PCDHGA5: variants seen among roughly 807,000 people sequenced by gnomAD.
PCDHGA5 encodes the protein protocadherin gamma subfamily A, 5.
In PCDHGA5, 36 loss-of-function variants were observed where a neutral mutation model predicts 56.7. That is an observed-to-expected ratio of 0.64 (90% CI 0.49 to 0.84). PCDHGA5 has a LOEUF of 0.84. Ranked by LOEUF, PCDHGA5 falls within the 40% of genes least tolerant of loss-of-function variation. The pLI is 0.00. For missense variants in PCDHGA5, 1,305 were observed against 1,201.5 expected (o/e 1.09, Z -1.27); for synonymous variants, 563 against 520.2 (o/e 1.08, Z -1.12).
chr5:141,425,661 C>A (rs993314865), intron 1 of PCDHGA5, among the ~76,000 whole-genome samples: 5 of 152,184 alleles, frequency 3.3e-5, no homozygotes, highest in Admixed American at 3.3e-4. Context: ...ATTATCTGCA[C>A]ATCAGATTGA....
Position 141,476,267 on chromosome 5 carries a change from G to A in PCDHGA5, c.2422-18540G>A, listed in dbSNP as rs373758158. The A allele has an allele frequency of 6.8e-6, 11 of 1,613,938 alleles. No homozygotes were observed. Among genetic ancestry groups the A allele is most frequent in the African/African-American group, 1.3e-5 (1 of 74,884 alleles). On this transcript the variant is annotated intron_variant, in intron 1 of 3. Transcript: ENST00000518069. The surrounding 1 kb of genome is among the most constrained non-coding windows in gnomAD (Gnocchi z 7.6). ...GAAGGGTTTCGCTGTGGGCAACGTG[G>A]TCGCGAACCTTGGTTTGGATCTCGG...
chr5:141,388,662 A>G, intron 1 of PCDHGA5: 1 of 1,613,954 alleles, frequency 6.2e-7, no homozygotes, highest in African/African-American at 1.3e-5. Flanking sequence ...CCCGGGGACC[A>G]CGGTGCTACA....
Position 141,486,494 on chromosome 5 carries a change from A to G in PCDHGA5, c.2422-8313A>G, listed in dbSNP as rs375607204. 9.3e-6 allele frequency: 15 copies of G among 1,614,058 alleles called. No individual in the cohort carries two copies. The highest frequency in any genetic ancestry group is 1.3e-5 in the Non-Finnish European group (15 of 1,179,958). ...CCCTCCTCTCAGTACCCACAGAACT[A>G]TTTTCCTCAATATTTCAGATGTGAA... On this transcript the variant is annotated intron_variant, in intron 1 of 3. Transcript: ENST00000518069. The surrounding 1 kb of genome is among the most constrained non-coding windows in gnomAD (Gnocchi z 5.0).
Position 141,477,337 on chromosome 5 carries a change from C to T in PCDHGA5, c.2422-17470C>T. ...TTACTTCTTCCCTCAAGAATTACTT[C>T]ACTTTGAAAACCAGTGCAGACCTGG... On this transcript the variant is annotated intron_variant, in intron 1 of 3. Transcript: ENST00000518069. The surrounding 1 kb of genome is among the most constrained non-coding windows in gnomAD (Gnocchi z 4.9). The T allele has an allele frequency of 1.2e-6, 2 of 1,614,166 alleles. No individual in the cohort carries two copies. Among genetic ancestry groups the T allele is most frequent in the Non-Finnish European group, 1.7e-6 (2 of 1,180,028 alleles).
chr5:141,499,689 C>CTTTT (rs545067566), intron 2 of PCDHGA5, among the ~76,000 whole-genome samples: 17 of 119,848 alleles, frequency 1.4e-4, no homozygotes, highest in East Asian at 2.4e-4. Context: ...TAACAGATGA[C>CTTTT]TTTTTTTTTT....
At chr5:141,501,997 C>A (rs2099812238) in intron 2 of PCDHGA5, among the ~76,000 whole-genome samples, 1 of 152,128 alleles carries the variant, frequency 6.6e-6, no homozygotes, top group Non-Finnish European at 1.5e-5. Context: ...GTCTCCCTGA[C>A]AACCCGCATG....
intron 1 of PCDHGA5, chr5:141,403,862 G>A (rs1370445288): frequency 1.2e-6 from 2 of 1,613,508 alleles, no homozygotes; most frequent in East Asian, 2.2e-5. Flanking sequence ...AATATCAACA[G>A]CAAAAAGTCT....
intron 1 of PCDHGA5, chr5:141,428,404 T>A (rs375988962): frequency 2.3e-5 from 11 of 476,688 alleles, no homozygotes; most frequent in East Asian, 2.1e-4. Flanking sequence ...TGCCTGGGGT[T>A]GCTTTCACCC....
intron 1 of PCDHGA5, among the ~76,000 whole-genome samples, chr5:141,468,914 G>A (rs563780068): frequency 2.6e-5 from 4 of 151,700 alleles, no homozygotes; most frequent in Admixed American, 2.6e-4. Context: ...CAGACTAGAA[G>A]AGAATAGCAC....
At chr5:141,422,886 G>A in intron 1 of PCDHGA5, 1 of 1,614,260 alleles carries the variant, frequency 6.2e-7, no homozygotes, top group Non-Finnish European at 8.5e-7. Flanking sequence ...GCCTGTTCGT[G>A]CTGGACCAGA....
Position 141,366,331 on chromosome 5 carries a change from G to C in PCDHGA5, c.2001G>C (p.Arg667Ser), listed in dbSNP as rs1425078679. 11 of 1,613,846 alleles carry C rather than the reference G, an allele frequency of 6.8e-6. No homozygotes were observed. In the East Asian group the frequency reaches 1.6e-4, roughly 23 times the overall value. Residue 667 changes from arginine to serine, a missense_variant, in exon 1 of 4, where the codon AGG (arginine) becomes AGC (serine). Physicochemically the swap from Arg to Ser is moderately radical, Grantham distance 110. Coordinates refer to ENST00000518069, the MANE Select transcript of PCDHGA5 (RefSeq NM_018918.3). The stretch of plus-strand genomic sequence containing the variant: ...CGGTCACCGTTGCCGTGGCCGACAG[G>C]ATCCCTGACATCCTGGCTGACCTAG... ...TFTVTVAVAD[R>S]IPDILADLGS... is the part of the protein sequence containing the mutation.
chr5:141,413,803 G>A (rs1331029473), intron 1 of PCDHGA5: 3 of 1,613,142 alleles, frequency 1.9e-6, no homozygotes, highest in Non-Finnish European at 1.7e-6. Flanking sequence ...CGAGGAAGAG[G>A]CCATTCACCA....
Position 141,477,691 on chromosome 5 carries a change from A to G in PCDHGA5, c.2422-17116A>G, listed in dbSNP as rs1315811441. 6.2e-7 allele frequency: 1 copy of G among 1,614,188 alleles called. No homozygotes were observed. Among genetic ancestry groups the G allele is most frequent in the South Asian group, 1.1e-5 (1 of 91,090 alleles). On this transcript the variant is annotated intron_variant, in intron 1 of 3. Coordinates refer to ENST00000518069, the MANE Select transcript of PCDHGA5 (RefSeq NM_018918.3). This position sits in a 1 kb window ranked among gnomAD's most constrained non-coding sequence, Gnocchi z 4.9. ...GCATAGTGTCATCCTTAGTGCCCCT[A>G]GACTATGAGGATCGGCGGGAATTTG...
chr5:141,441,103 A>C (rs2098225469), intron 1 of PCDHGA5: 1 of 152,198 alleles, frequency 6.6e-6, no homozygotes, highest in Non-Finnish European at 1.5e-5. Flanking sequence ...AGAGGGACTC[A>C]TTGTCCAGTG....
chr5:141,505,381 C>T lies in PCDHGA5; in HGVS notation c.2481-12C>T. On this transcript the variant is annotated splice_polypyrimidine_tract_variant and intron_variant, in intron 2 of 3. Transcript: ENST00000518069. Reference sequence around the variant, plus strand: ...CTGGGAGTCTGTGCTCACCATCCTACTCTCTCCCCAGCTCCCAAAATGGCG... The same window carrying T: ...CTGGGAGTCTGTGCTCACCATCCTATTCTCTCCCCAGCTCCCAAAATGGCG... 1 of 1,614,064 alleles carries T rather than the reference C, an allele frequency of 6.2e-7. No homozygotes were observed.
At chr5:141,450,742 C>A (rs2098692216) in intron 1 of PCDHGA5, among the ~76,000 whole-genome samples, 1 of 152,118 alleles carries the variant, frequency 6.6e-6, no homozygotes, top group South Asian at 2.1e-4. Context: ...CCGCCTTGGC[C>A]TCCCAAAGTG....
intron 1 of PCDHGA5, chr5:141,399,270 A>G (rs1318152877): frequency 1.2e-6 from 2 of 1,613,854 alleles, no homozygotes; most frequent in African/African-American, 1.3e-5. Flanking sequence ...TTAATTGTCA[A>G]TTACAAGGCG....
chr5:141,426,513 CG>C, intron 1 of PCDHGA5: 1 of 341,148 alleles, frequency 2.9e-6, no homozygotes, highest in Non-Finnish European at 5.8e-6. Flanking sequence ...AATACTTTAC[CG>C]TGAACACGGA....
At chr5:141,452,000 A>G (rs2098730428) in intron 1 of PCDHGA5, among the ~76,000 whole-genome samples, 1 of 152,198 alleles carries the variant, frequency 6.6e-6, no homozygotes, top group Admixed American at 6.5e-5. Flanking sequence ...AAGCAAAATC[A>G]CTTGGTCCAG....
Sources: allele counts gnomAD v4.1 joint callset (sites outside exome capture counted in the v4.1 genomes callset), GRCh38; gene constraint gnomAD v4.1.1; non-coding constraint Gnocchi (gnomAD v3.1); transcripts MANE v1.5; gene names NCBI Gene and HGNC (gene_info 2026-07-23, HGNC 2026-07-21).